Variants in MALRD1 observed in about 807,000 individuals in gnomAD.
The protein encoded by MALRD1 is MAM and LDL receptor class A domain containing 1.
Under a neutral mutation model 242.1 loss-of-function variants are expected in MALRD1, and 247 were observed. The observed-to-expected ratio is 1.02, with a 90% confidence interval of 0.92 to 1.13. MALRD1 has a LOEUF of 1.13. MALRD1 is among the 50% of genes most tolerant of loss of function. The pLI, the probability that MALRD1 is intolerant of heterozygous loss-of-function variation, is 0.00. For synonymous variants in MALRD1, 995 were observed against 866.6 expected (o/e 1.15, Z -2.60); for missense variants, 2,989 against 2,533.1 (o/e 1.18, Z -3.86).
At chr10:19,592,364 A>G (rs989158314) in intron 33 of MALRD1, among the ~76,000 whole-genome samples, 9 of 152,214 alleles carry the variant, frequency 5.9e-5, no homozygotes, top group Admixed American at 2.6e-4. Flanking sequence ...GATGCCCTAC[A>G]TTGAGGCATA....
chr10:19,613,997 T>C (rs1161658674), intron 35 of MALRD1, among the ~76,000 whole-genome samples: 4 of 152,026 alleles, frequency 2.6e-5, no homozygotes, highest in African/African-American at 9.7e-5. Flanking sequence ...TCCATCCCAA[T>C]AGAGTAATTT....
intron 31 of MALRD1, among the ~76,000 whole-genome samples, chr10:19,507,173 A>G (rs557975809): frequency 2.0e-5 from 3 of 152,196 alleles, no homozygotes; most frequent in South Asian, 2.1e-4. Flanking sequence ...ATCTTCCGCC[A>G]TGATCCAGTC....
intron 7 of MALRD1, among the ~76,000 whole-genome samples, chr10:19,127,565 T>A (rs1225400232): frequency 6.6e-6 from 1 of 152,150 alleles, no homozygotes; most frequent in Non-Finnish European, 1.5e-5. Context: ...TTTTTGAAAA[T>A]GAAGTTGTAA....
At chr10:19,686,251 T>TG (rs1842578143) in intron 36 of MALRD1, among the ~76,000 whole-genome samples, 1 of 152,194 alleles carries the variant, frequency 6.6e-6, no homozygotes, top group African/African-American at 2.4e-5. Context: ...ACGTTTGACT[T>TG]GGAGTTTTAC....
intron 32 of MALRD1, among the ~76,000 whole-genome samples, chr10:19,533,146 C>T (rs1834502939): frequency 6.6e-6 from 1 of 152,178 alleles, no homozygotes; most frequent in African/African-American, 2.4e-5. Context: ...AAGACCACCC[C>T]TGTGTTCTTT....
At chr10:19,502,691 C>A (rs919035521) in intron 31 of MALRD1, among the ~76,000 whole-genome samples, 2 of 152,146 alleles carry the variant, frequency 1.3e-5, no homozygotes, top group African/African-American at 4.8e-5. Flanking sequence ...CGTGTGGACA[C>A]AAATGCCTGT....
intron 21 of MALRD1, among the ~76,000 whole-genome samples, chr10:19,289,913 A>G (rs1409643459): frequency 1.3e-5 from 2 of 152,266 alleles, no homozygotes; most frequent in South Asian, 2.1e-4. Flanking sequence ...TGTCTTGGAG[A>G]CAAAGATTGC....
rs76811691 is a variant in MALRD1 at position 19,718,356 on chromosome 10, A to G, written c.6315-12350A>G. Among the ~76,000 whole-genome samples, 361 of 152,290 alleles carry G rather than the reference A, an allele frequency of 2.4e-3. 10 individuals are homozygous for G. The East Asian group carries it at 0.051, about 22-fold the overall frequency. On this transcript the variant is annotated intron_variant, in intron 38 of 39. Transcript: ENST00000454679. ...GCCAGCATCTACTCAGCTCCTGTGG[A>G]GGAATCAGGGAGCTTTTACTAATGG...
chr10:19,281,326 G>A (rs1840801586), intron 20 of MALRD1, among the ~76,000 whole-genome samples: 1 of 152,130 alleles, frequency 6.6e-6, no homozygotes. Flanking sequence ...TCTTATATAA[G>A]TTGTAGTGTT....
chr10:19,150,725 C>T (rs976276193), intron 11 of MALRD1, among the ~76,000 whole-genome samples: 4 of 152,058 alleles, frequency 2.6e-5, no homozygotes, highest in Non-Finnish European at 5.9e-5. Flanking sequence ...TGCTTTTTTT[C>T]TAATATTTTT....
intron 18 of MALRD1, among the ~76,000 whole-genome samples, chr10:19,233,111 G>A (rs763126916): frequency 2.0e-5 from 3 of 152,040 alleles, no homozygotes; most frequent in Non-Finnish European, 4.4e-5. Flanking sequence ...TATTTGTGGG[G>A]TACATGAGAT....
chr10:19,672,495 C>T (rs1176798773), intron 36 of MALRD1, among the ~76,000 whole-genome samples: 2 of 150,348 alleles, frequency 1.3e-5, no homozygotes, highest in Non-Finnish European at 2.9e-5. Flanking sequence ...AACATCTCAG[C>T]TCACTGCAAC....
intron 30 of MALRD1, among the ~76,000 whole-genome samples, chr10:19,492,740 C>G (rs1837547167): frequency 6.6e-6 from 1 of 152,044 alleles, no homozygotes; most frequent in South Asian, 2.1e-4. Flanking sequence ...AATGGCCAAG[C>G]AAATAACAAA....
intron 29 of MALRD1, among the ~76,000 whole-genome samples, chr10:19,487,867 A>G (rs942200560): frequency 6.6e-6 from 1 of 152,072 alleles, no homozygotes; most frequent in African/African-American, 2.4e-5. Context: ...TTTACTGGTA[A>G]ATTATTTTTG....
At position 19,071,030 on chromosome 10, in the gene MALRD1, T is replaced by C. The variant is rs141868042; in HGVS notation, c.340+4171T>C. Reference sequence around the variant, plus strand: ...CCACTCCTGGCTAATTTTTGTACTTTTAGTAGAGATGAGGTTCTCCATGTT... The same window carrying C: ...CCACTCCTGGCTAATTTTTGTACTTCTAGTAGAGATGAGGTTCTCCATGTT... On this transcript the variant is annotated intron_variant, in intron 2 of 39. Coordinates refer to ENST00000454679, the MANE Select transcript of MALRD1 (RefSeq NM_001142308.3). Among the ~76,000 whole-genome samples, 414 of 151,820 alleles carry C rather than the reference T, an allele frequency of 2.7e-3. 1 individual carries two copies. Among genetic ancestry groups the C allele is most frequent in the African/African-American group, 9.6e-3 (397 of 41,394 alleles).
intron 19 of MALRD1, among the ~76,000 whole-genome samples, chr10:19,265,294 A>C (rs548445144): frequency 2.0e-5 from 3 of 151,624 alleles, no homozygotes; most frequent in Admixed American, 6.6e-5. Flanking sequence ...AAGTTCCTTG[A>C]GGTATAAAGA....
intron 26 of MALRD1, among the ~76,000 whole-genome samples, chr10:19,386,890 A>C (rs1438741510): frequency 6.6e-6 from 1 of 152,182 alleles, no homozygotes; most frequent in Non-Finnish European, 1.5e-5. Context: ...CAGGTCTTCA[A>C]AAGCATTGCT....
intron 38 of MALRD1, among the ~76,000 whole-genome samples, chr10:19,727,559 A>G (rs1480324861): frequency 6.6e-6 from 1 of 152,190 alleles, no homozygotes; most frequent in African/African-American, 2.4e-5. Context: ...ATATGAATGC[A>G]TGATAAGGGA....
chr10:19,552,913 G>A (rs1835550078), intron 32 of MALRD1, among the ~76,000 whole-genome samples: 2 of 151,956 alleles, frequency 1.3e-5, no homozygotes, highest in African/African-American at 4.8e-5. Flanking sequence ...TGATCTAAGT[G>A]TGGTTACATT....
Sources: allele counts gnomAD v4.1 joint callset (sites outside exome capture counted in the v4.1 genomes callset), GRCh38; gene constraint gnomAD v4.1.1; transcripts MANE v1.5; gene names NCBI Gene and HGNC (gene_info 2026-07-23, HGNC 2026-07-21).